The following SERINC5 variants were observed in gnomAD, a reference collection of about 807,000 sequenced individuals.
SERINC5 encodes serine incorporator 5, also known as chromosome 5 open reading frame 12.
In SERINC5, 41 loss-of-function variants were observed where a neutral mutation model predicts 63.1. That is an observed-to-expected ratio of 0.65 (90% CI 0.51 to 0.84). SERINC5 has a LOEUF of 0.84. SERINC5 is among the 40% of genes least tolerant of loss of function. The pLI is 0.00. For missense variants in SERINC5, 523 were observed against 573.0 expected, an observed-to-expected ratio of 0.91 and a Z score of 0.89; for synonymous variants, 222 against 215.2, an observed-to-expected ratio of 1.03 and a Z score of -0.28.
chr5:80,145,794 G>A (rs1745781803), intron 11 of SERINC5, among the ~76,000 whole-genome samples: 1 of 152,162 alleles, frequency 6.6e-6, no homozygotes, highest in Non-Finnish European at 1.5e-5. Context: ...TGGATCACTT[G>A]AGGTCAGGAG....
intron 1 of SERINC5, among the ~76,000 whole-genome samples, chr5:80,245,618 T>TA (rs200281131): frequency 4.0e-5 from 6 of 151,698 alleles, no homozygotes; most frequent in Non-Finnish European, 7.4e-5. Context: ...TATTTTTTTT[T>TA]ATTTTTTATT....
rs756886143 is a variant in SERINC5, at chr5:80,192,499, T to C, written c.195+10387A>G. On this transcript the variant is annotated intron_variant, in intron 2 of 11. Transcript: ENST00000507668. The stretch of plus-strand genomic sequence containing the variant: ...ATCCACCCACAGAAAGTTTTTCAGA[T>C]GGGGTGGGAAGGAATGGAGAGAGAA... 7.8e-4 allele frequency among the ~76,000 whole-genome samples: 119 copies of C among 152,132 alleles called. No individual in the cohort carries two copies. In the Middle Eastern group the frequency reaches 0.014, roughly 17 times the overall value.
chr5:80,167,967 C>G (rs968709988), intron 6 of SERINC5, among the ~76,000 whole-genome samples: 42 of 152,272 alleles, frequency 2.8e-4, no homozygotes, highest in South Asian at 1.5e-3. Context: ...TAATGTTGCT[C>G]TTTGGCAAGG....
At chr5:80,237,387 G>T (rs1372623069) in intron 1 of SERINC5, among the ~76,000 whole-genome samples, 2 of 151,566 alleles carry the variant, frequency 1.3e-5, no homozygotes, top group African/African-American at 2.4e-5. Context: ...AGGCTGGGTT[G>T]CAGTGGTACA....
chr5:80,138,156 T>A (rs1246393505), downstream of SERINC5, among the ~76,000 whole-genome samples: 1 of 151,684 alleles, frequency 6.6e-6, no homozygotes, highest in African/African-American at 2.4e-5. Context: ...GTAAAGGTGG[T>A]TACTAGGGGC....
chr5:80,113,070 C>A (rs369173878), intron 12 of SERINC5, among the ~76,000 whole-genome samples: 20 of 152,076 alleles, frequency 1.3e-4, no homozygotes, highest in Non-Finnish European at 2.6e-4. Context: ...TTGTTTAATT[C>A]TTTTTCCAAT....
intron 1 of SERINC5, among the ~76,000 whole-genome samples, chr5:80,253,920 T>C (rs1297104844): frequency 2.0e-5 from 3 of 152,278 alleles, no homozygotes; most frequent in African/African-American, 7.2e-5. Flanking sequence ...CTGTGAGGTT[T>C]TGTTTGCTTT....
At chr5:80,143,851 A>G (rs1176104843) in intron 11 of SERINC5, 41 bp from the exon 12 acceptor site, 2 of 1,532,800 alleles carry the variant, frequency 1.3e-6, no homozygotes, top group African/African-American at 1.4e-5. Flanking sequence ...AAGCAGGAAT[A>G]TATTGAGATA....
intron 1 of SERINC5, among the ~76,000 whole-genome samples, chr5:80,234,333 A>C (rs1751590638): frequency 6.6e-6 from 1 of 152,110 alleles, no homozygotes; most frequent in African/African-American, 2.4e-5. Context: ...AGTTCCATTC[A>C]CCTCACTACA....
intron 5 of SERINC5, among the ~76,000 whole-genome samples, chr5:80,172,547 A>G (rs964672753): frequency 2.0e-5 from 3 of 151,816 alleles, no homozygotes; most frequent in African/African-American, 7.3e-5. Flanking sequence ...TAATGATGAA[A>G]AAGTTCCTGC....
intron 10 of SERINC5, among the ~76,000 whole-genome samples, chr5:80,146,625 T>C (rs563782100): frequency 6.6e-6 from 1 of 152,218 alleles, no homozygotes; most frequent in South Asian, 2.1e-4. Flanking sequence ...GCTAATTTTG[T>C]ATTGTTTTTT....
At chr5:80,157,441 C>T (rs1746611318) in intron 8 of SERINC5, 1 of 152,134 alleles carries the variant, frequency 6.6e-6, no homozygotes, top group African/African-American at 2.4e-5. Flanking sequence ...CTCACTGCAG[C>T]CTTAGACACC....
At chr5:80,134,099 T>C (rs1207980822), downstream of SERINC5, among the ~76,000 whole-genome samples, 1 of 152,224 alleles carries the variant, frequency 6.6e-6, no homozygotes, top group Non-Finnish European at 1.5e-5. Flanking sequence ...TCTAATCTTG[T>C]AGCTAATTTG....
intron 2 of SERINC5, among the ~76,000 whole-genome samples, chr5:80,179,482 A>G (rs767801704): frequency 3.3e-5 from 5 of 152,102 alleles, no homozygotes; most frequent in African/African-American, 7.2e-5. Context: ...TATTTTTTGT[A>G]CTTGTTTTTT....
chr5:80,250,461 C>T (rs1185310338), intron 1 of SERINC5, among the ~76,000 whole-genome samples: 1 of 152,188 alleles, frequency 6.6e-6, no homozygotes, highest in Non-Finnish European at 1.5e-5. Context: ...CCTGCCTCAG[C>T]CTCCTGAGTA....
intron 2 of SERINC5, among the ~76,000 whole-genome samples, chr5:80,179,371 T>C (rs1383967360): frequency 1.3e-5 from 2 of 152,242 alleles, no homozygotes; most frequent in East Asian, 3.8e-4. Context: ...TCCCATCACA[T>C]TCTTTTTCAT....
intron 2 of SERINC5, among the ~76,000 whole-genome samples, chr5:80,181,763 T>C (rs1314828012): frequency 6.6e-6 from 1 of 152,084 alleles, no homozygotes. Flanking sequence ...CAACTATCAG[T>C]CCTCACTGGA....
chr5:80,195,699 C>T (rs1194284387), intron 2 of SERINC5, among the ~76,000 whole-genome samples: 19 of 152,116 alleles, frequency 1.2e-4, no homozygotes, highest in Admixed American at 1.2e-3. Context: ...TCAAACATAA[C>T]GGATCAAAGA....
intron 4 of SERINC5, among the ~76,000 whole-genome samples, 152 bp downstream of exon 4, chr5:80,177,163 A>C (rs2112414411): frequency 6.6e-6 from 1 of 152,342 alleles, no homozygotes; most frequent in Non-Finnish European, 1.5e-5. Context: ...AATGATGGAA[A>C]AAGTATGGGC....
Sources: gnomAD v4.1 joint callset for allele counts (sites outside exome capture counted in the v4.1 genomes callset) on GRCh38, gnomAD v4.1.1 for gene constraint, MANE v1.5 for transcripts, NCBI Gene and HGNC (gene_info 2026-07-23, HGNC 2026-07-21) for gene names.